Variants in ATF7IP observed in about 807,000 individuals in gnomAD.
ATF7IP encodes the protein activating transcription factor 7-interacting protein 1.
Under a neutral mutation model 106.4 loss-of-function variants are expected in ATF7IP, and 23 were observed. The observed-to-expected ratio is 0.22, with a 90% CI of 0.16 to 0.31. ATF7IP has a LOEUF of 0.31. ATF7IP is among the 10% of genes least tolerant of loss of function. The pLI is 1.00. For synonymous variants in ATF7IP, 542 were observed against 539.0 expected (o/e 1.01, Z -0.08); for missense variants, 1,334 against 1,524.3 (o/e 0.88, Z 2.08).
Position 14,447,134 on chromosome 12 carries a change from T to C in ATF7IP, c.1995+81T>C. 2.6e-6 allele frequency: 3 copies of C among 1,159,868 alleles called. No homozygotes were observed. In the South Asian group the frequency reaches 4.5e-5, roughly 17 times the overall value. 71.8% of individuals were successfully genotyped at this position (1,159,868 alleles called of 1,614,324 possible). On this transcript the variant is annotated intron_variant, in intron 6 of 14. Transcript: ENST00000261168. ...GAAATGCTGAATTAGGAGGAAACTG[T>C]ATTACAAATCTGAAATTTGCTTTCA... is the stretch of plus-strand genomic sequence containing the variant.
chr12:14,418,902 A>G (rs1941347827), intron 1 of ATF7IP, among the ~76,000 whole-genome samples: 1 of 152,096 alleles, frequency 6.6e-6, no homozygotes, highest in South Asian at 2.1e-4. Context: ...TTTATTAAAT[A>G]TTATTTGGTG....
At chr12:14,379,666 A>T (rs987456051) in intron 1 of ATF7IP, among the ~76,000 whole-genome samples, 2 of 152,182 alleles carry the variant, frequency 1.3e-5, no homozygotes, top group African/African-American at 4.8e-5. Context: ...CTATGTTTTC[A>T]TGCTTGATTG....
intron 6 of ATF7IP, among the ~76,000 whole-genome samples, chr12:14,453,695 A>G (rs1275491464): frequency 6.7e-6 from 1 of 150,118 alleles, no homozygotes; most frequent in African/African-American, 2.5e-5. Flanking sequence ...CGCAATCTCC[A>G]CTCACTGCAA....
rs528035922 is a variant in ATF7IP at position 14,471,877 on chromosome 12, C to G, written c.2863-4013C>G. ...AGCCAAACCATATAAGGAGGTAGGA[C>G]CCTGTATTCATTATCTTGCTACTTT... is the stretch of plus-strand genomic sequence containing the variant. On this transcript the variant is annotated intron_variant, in intron 10 of 14. Transcript: ENST00000261168. 8.7e-4 allele frequency among the ~76,000 whole-genome samples: 132 copies of G among 152,128 alleles called. 1 individual carries two copies. The highest frequency in any genetic ancestry group is 3.0e-3 in the African/African-American group (124 of 41,506).
intron 6 of ATF7IP, among the ~76,000 whole-genome samples, chr12:14,448,609 A>G (rs763870456): frequency 3.9e-5 from 6 of 152,144 alleles, no homozygotes; most frequent in African/African-American, 9.7e-5. Flanking sequence ...TAATGCTGCA[A>G]TGTACATGGG....
intron 1 of ATF7IP, among the ~76,000 whole-genome samples, chr12:14,373,701 T>G (rs1938617899): frequency 6.6e-6 from 1 of 152,182 alleles, no homozygotes; most frequent in Non-Finnish European, 1.5e-5. Flanking sequence ...ACTTCATAAT[T>G]TGGTACTGAA....
chr12:14,369,479 G>C (rs917819477), intron 1 of ATF7IP, among the ~76,000 whole-genome samples: 1 of 152,056 alleles, frequency 6.6e-6, no homozygotes, highest in Non-Finnish European at 1.5e-5. Flanking sequence ...AGCCTCCCAA[G>C]TAGCGGATTA....
At chr12:14,432,752 A>G (rs937359014) in intron 2 of ATF7IP, among the ~76,000 whole-genome samples, 2 of 152,202 alleles carry the variant, frequency 1.3e-5, no homozygotes, top group Non-Finnish European at 2.9e-5. Context: ...CAGAATCTTT[A>G]TATAGCATAA....
At chr12:14,408,773 C>G (rs796481422) in intron 1 of ATF7IP, among the ~76,000 whole-genome samples, 7 of 152,264 alleles carry the variant, frequency 4.6e-5, no homozygotes, top group African/African-American at 1.7e-4. Flanking sequence ...TGTATGTAAA[C>G]ATGCCAGCAT....
chr12:14,434,058 A>G (rs1307318498), intron 2 of ATF7IP, among the ~76,000 whole-genome samples: 3 of 152,196 alleles, frequency 2.0e-5, no homozygotes, highest in South Asian at 4.1e-4. Context: ...GTTACTGGTG[A>G]CAGAAAATTA....
chr12:14,442,390 G>A (rs756431991), intron 5 of ATF7IP, among the ~76,000 whole-genome samples: 1 of 152,144 alleles, frequency 6.6e-6, no homozygotes, highest in Non-Finnish European at 1.5e-5. Context: ...TTTGCTGCCT[G>A]TTTTGCAATG....
intron 1 of ATF7IP, among the ~76,000 whole-genome samples, chr12:14,406,072 G>C (rs1285279211): frequency 6.6e-6 from 1 of 152,114 alleles, no homozygotes; most frequent in Admixed American, 6.5e-5. Flanking sequence ...TGATATATGG[G>C]ATTATTAAAT....
At chr12:14,473,170 T>G (rs940549157) in intron 10 of ATF7IP, among the ~76,000 whole-genome samples, 5 of 152,128 alleles carry the variant, frequency 3.3e-5, no homozygotes, top group African/African-American at 1.2e-4. Context: ...TCATTTCATC[T>G]GTTTTCTTTT....
intron 2 of ATF7IP, among the ~76,000 whole-genome samples, chr12:14,432,107 C>A (rs1180800327): frequency 6.6e-6 from 1 of 152,150 alleles, no homozygotes; most frequent in Non-Finnish European, 1.5e-5. Context: ...GGAGAGGAAA[C>A]TAACATGCGT....
chr12:14,421,766 G>T (rs1045128119), intron 1 of ATF7IP, among the ~76,000 whole-genome samples: 1 of 152,134 alleles, frequency 6.6e-6, no homozygotes, highest in African/African-American at 2.4e-5. Flanking sequence ...CAGACATTCA[G>T]TTTAGGCAAA....
At chr12:14,489,980 C>T (rs1944755537) in intron 13 of ATF7IP, among the ~76,000 whole-genome samples, 1 of 152,200 alleles carries the variant, frequency 6.6e-6, no homozygotes, top group Admixed American at 6.5e-5. Context: ...ATATAATTAA[C>T]CTGCCACCAG....
intron 1 of ATF7IP, among the ~76,000 whole-genome samples, chr12:14,398,651 T>C (rs1430711107): frequency 6.6e-6 from 1 of 152,072 alleles, no homozygotes; most frequent in Non-Finnish European, 1.5e-5. Context: ...CTTATTACTT[T>C]TGTGTTCTTC....
intron 1 of ATF7IP, among the ~76,000 whole-genome samples, chr12:14,415,491 GGGAATTGTTGGTAAA>G (rs1239271744): frequency 6.6e-6 from 1 of 152,136 alleles, no homozygotes; most frequent in African/African-American, 2.4e-5. Context: ...ACCTTGTCTA[GGGAATTGTTGGTAAA>G]GCAAACTCCC....
intron 5 of ATF7IP, among the ~76,000 whole-genome samples, chr12:14,446,287 A>G (rs546525072): frequency 6.6e-6 from 1 of 152,196 alleles, no homozygotes; most frequent in African/African-American, 2.4e-5. Flanking sequence ...AACTGGGATT[A>G]CAGGCACGTG....
Sources: gnomAD v4.1 joint callset for allele counts (sites outside exome capture counted in the v4.1 genomes callset) on GRCh38, gnomAD v4.1.1 for gene constraint, MANE v1.5 for transcripts, NCBI Gene and HGNC (gene_info 2026-07-23, HGNC 2026-07-21) for gene names.